The following GPLD1 variants were observed in gnomAD, a reference collection of about 807,000 sequenced individuals.
GPLD1 encodes glycosylphosphatidylinositol specific phospholipase D1.
GPLD1 carries 84 observed loss-of-function variants against 112.6 expected under a neutral mutation model. That is an observed-to-expected ratio of 0.75 (90% CI 0.63 to 0.89). The LOEUF (loss-of-function observed/expected upper bound fraction) is 0.89. Among genes scored for constraint, GPLD1 ranks in the 40% least tolerant of loss-of-function variants. The pLI, the probability that GPLD1 is intolerant of heterozygous loss-of-function variation, is 0.00. For missense variants in GPLD1, 1,044 were observed against 1,051.5 expected (o/e 0.99, Z 0.10); for synonymous variants, 386 against 403.8 (o/e 0.96, Z 0.53).
At position 24,448,174 on chromosome 6, in the gene GPLD1, C is replaced by T. The variant is rs1358971144; in HGVS notation, c.1481G>A (p.Gly494Glu). The T allele has an allele frequency of 1.2e-6, 2 of 1,610,358 alleles. No individual in the cohort carries two copies. The highest frequency in any genetic ancestry group is 4.5e-5 in the East Asian group (2 of 44,782). ...AVYVYFGSKQGGMSSSPNITI... is the reference protein window; with the variant it reads ...AVYVYFGSKQEGMSSSPNITI... ...GATGTTAGGGGAAGAAGACATTCCT[C>T]CTTGTTTGGAACCAAAGTAGACATA... Residue 494 changes from glycine (G) to glutamate (E), a missense_variant, in exon 16 of 25, where the codon GGA (glycine) becomes GAA (glutamate). Coordinates refer to ENST00000230036, the MANE Select transcript of GPLD1 (RefSeq NM_001503.4).
At chr6:24,456,187 C>T (rs979455864) in intron 13 of GPLD1, among the ~76,000 whole-genome samples, 19 of 151,954 alleles carry the variant, frequency 1.3e-4, no homozygotes, top group Non-Finnish European at 2.4e-4. Context: ...TCACTTGAGC[C>T]CAGAAGTTCG....
At chr6:24,474,852 A>G (rs1763953909) in intron 5 of GPLD1, among the ~76,000 whole-genome samples, 1 of 151,946 alleles carries the variant, frequency 6.6e-6, no homozygotes, top group Non-Finnish European at 1.5e-5. Flanking sequence ...AGGCAGGAGA[A>G]TCACTTGAAC....
rs778060726 is a variant in GPLD1, at chr6:24,446,932, C to A, written c.1726G>T (p.Asp576Tyr). 1 of 1,613,920 alleles carries A rather than the reference C, an allele frequency of 6.2e-7. No homozygotes were observed. The highest frequency in any genetic ancestry group is 8.5e-7 in the Non-Finnish European group (1 of 1,179,910). Reference sequence around the variant, plus strand: ...AGGGAATATCCAAACCAGGAGAAGTCTTCCTCGCCTCTCACCGTCCAGTTG... The same window carrying A: ...AGGGAATATCCAAACCAGGAGAAGTATTCCTCGCCTCTCACCGTCCAGTTG... ...AANWTVRGEE[D>Y]FSWFGYSLHG... Residue 576 changes from aspartate to tyrosine, a missense_variant, in exon 18 of 25, where the codon GAC becomes TAC. By Grantham distance (160) the Asp-to-Tyr change is radical. Transcript: ENST00000230036.
At chr6:24,450,170 C>A (rs539323731) in intron 14 of GPLD1, among the ~76,000 whole-genome samples, 1 of 152,174 alleles carries the variant, frequency 6.6e-6, no homozygotes, top group Non-Finnish European at 1.5e-5. Context: ...TAGAAAATAG[C>A]CTCGTGTATG....
chr6:24,447,219 C>T (rs1762938034), intron 17 of GPLD1, among the ~76,000 whole-genome samples: 1 of 152,122 alleles, frequency 6.6e-6, no homozygotes, highest in Non-Finnish European at 1.5e-5. Context: ...TTTAAAAAGG[C>T]TCTGGGCCAG....
rs116551784 is a variant in GPLD1 at position 24,462,645 on chromosome 6, A to G, written c.887+85T>C. 829 of 854,430 alleles carry G rather than the reference A, an allele frequency of 9.7e-4. 5 individuals carry two copies. In the African/African-American group the frequency reaches 0.012, roughly 12 times the overall value. 52.9% of individuals were successfully genotyped at this position (854,430 alleles called of 1,614,324 possible). ...AATTTGAACCTACAGCTGTCTCTCA[A>G]CAGATCCCGTGTTCTCAACCTCTAT... is the stretch of plus-strand genomic sequence containing the variant. On this transcript the variant is annotated intron_variant, in intron 11 of 24. Coordinates refer to ENST00000230036, the MANE Select transcript of GPLD1 (RefSeq NM_001503.4).
chr6:24,425,437 G>C (rs1171263485), downstream of GPLD1: 1 of 152,236 alleles, frequency 6.6e-6, no homozygotes, highest in Non-Finnish European at 1.5e-5. Context: ...TCATAAGTCT[G>C]ATAAAAGGAA....
At position 24,452,927 on chromosome 6, in the gene GPLD1, C is replaced by CA. The variant is rs1424843640; in HGVS notation, c.1335+1087dup. On this transcript the variant is annotated intron_variant, in intron 14 of 24. Coordinates refer to ENST00000230036, the MANE Select transcript of GPLD1 (RefSeq NM_001503.4). ...GGTTCTCCCCCTAGCACTTGACACTCAGAGAATGCAGTGCCAGGCCAGTAT... is the reference window on the plus strand; with the variant it reads ...GGTTCTCCCCCTAGCACTTGACACTCAAGAGAATGCAGTGCCAGGCCAGTAT... Among the ~76,000 whole-genome samples, 9 of 152,280 alleles carry CA rather than the reference C, an allele frequency of 5.9e-5. 1 individual carries two copies. The Middle Eastern group carries it at 0.017, about 288-fold the overall frequency.
At chr6:24,435,567 T>TAGG (rs1762543393) in intron 22 of GPLD1, among the ~76,000 whole-genome samples, 1 of 151,876 alleles carries the variant, frequency 6.6e-6, no homozygotes, top group Non-Finnish European at 1.5e-5. Flanking sequence ...TTTAAATTTT[T>TAGG]TAAAATAGGT....
At chr6:24,443,167 G>A (rs1292552468) in intron 20 of GPLD1, among the ~76,000 whole-genome samples, 1 of 152,092 alleles carries the variant, frequency 6.6e-6, no homozygotes, top group African/African-American at 2.4e-5. Context: ...GAACGAAGGA[G>A]GACGAACGTA....
At chr6:24,465,178 C>G (rs183273320) in intron 10 of GPLD1, among the ~76,000 whole-genome samples, 70 of 117,658 alleles carry the variant, frequency 5.9e-4, no homozygotes, top group African/African-American at 2.3e-3. Flanking sequence ...GCCTGGGCAA[C>G]AGAGCAAGAC....
rs61754635 is a variant in GPLD1, at chr6:24,486,097, T to A, written c.131A>T (p.Asn44Ile). The A allele has an allele frequency of 4.4e-6, 7 of 1,597,190 alleles. No homozygotes were observed. In the South Asian group the frequency reaches 7.8e-5, roughly 18 times the overall value. ...HRALEFLQLH[N>I]GRVNYRELLL... ...TACCTCTCTGTAGTTAACACGCCCA[T>A]TGTGAAGCTGAAGAAACTCCAGAGC... is the stretch of plus-strand genomic sequence containing the variant. The change falls in exon 2 of 25, where the codon AAT becomes ATT. Residue 44 changes from asparagine (N) to isoleucine (I), a missense_variant. Asn to Ile is a moderately radical substitution (Grantham distance 149, BLOSUM62 -3). Coordinates refer to ENST00000230036, the MANE Select transcript of GPLD1 (RefSeq NM_001503.4).
At chr6:24,489,590 T>C, upstream of GPLD1, 4 of 1,596,834 alleles carry the variant, frequency 2.5e-6, no homozygotes, top group South Asian at 4.5e-5. Context: ...AAAATCCAGG[T>C]GCAGACCCAC....
chr6:24,470,960 A>T (rs1358088197), intron 7 of GPLD1, among the ~76,000 whole-genome samples: 3 of 152,242 alleles, frequency 2.0e-5, no homozygotes, highest in Non-Finnish European at 4.4e-5. Context: ...ACTTAATCAA[A>T]ATTCCAGCAA....
intron 3 of GPLD1, among the ~76,000 whole-genome samples, chr6:24,476,902 T>C (rs979313790): frequency 2.6e-5 from 4 of 152,102 alleles, no homozygotes; most frequent in Admixed American, 6.5e-5. Flanking sequence ...AAATGCCTCA[T>C]GGAGTGCCAA....
chr6:24,446,222 T>A (rs1272938479), intron 18 of GPLD1, among the ~76,000 whole-genome samples: 3 of 152,016 alleles, frequency 2.0e-5, no homozygotes, highest in African/African-American at 7.2e-5. Context: ...GTCATTTGGG[T>A]GGATCCTGAT....
At chr6:24,467,992 C>T (rs374520798) in intron 7 of GPLD1, among the ~76,000 whole-genome samples, 70 of 152,156 alleles carry the variant, frequency 4.6e-4, no homozygotes, top group Non-Finnish European at 8.2e-4. Context: ...CCGCAACCTC[C>T]GCCTCCCGGG....
intron 14 of GPLD1, among the ~76,000 whole-genome samples, chr6:24,451,483 C>T (rs996813195): frequency 6.6e-6 from 1 of 152,178 alleles, no homozygotes; most frequent in African/African-American, 2.4e-5. Flanking sequence ...GGATTACAGG[C>T]ATATGCCACC....
intron 10 of GPLD1, 152 bp from the exon 11 acceptor site, chr6:24,462,947 C>CA (rs1763485419): frequency 4.9e-6 from 3 of 606,318 alleles, no homozygotes; most frequent in South Asian, 4.1e-5. Context: ...CATGTTCTCC[C>CA]AGAGAGGGTG....
Sources: gnomAD v4.1 joint callset for allele counts (sites outside exome capture counted in the v4.1 genomes callset) on GRCh38, gnomAD v4.1.1 for gene constraint, MANE v1.5 for transcripts, NCBI Gene and HGNC (gene_info 2026-07-23, HGNC 2026-07-21) for gene names.